The following ASAP1 variants were observed in gnomAD, a reference collection of about 807,000 sequenced individuals.
The protein encoded by ASAP1 is arf-GAP with SH3 domain, ANK repeat and PH domain-containing protein 1.
A neutral mutation model predicts 145.2 loss-of-function variants in ASAP1; 43 were observed. The observed-to-expected ratio is 0.30, with a 90% CI of 0.23 to 0.38. The LOEUF (loss-of-function observed/expected upper bound fraction) is 0.38. Among genes scored for constraint, ASAP1 ranks in the 10% least tolerant of loss-of-function variants. The probability of loss-of-function intolerance (pLI) is 1.00; values close to 1 mark genes in which losing one functional copy is unlikely to be tolerated. For synonymous variants in ASAP1, 546 were observed against 515.5 expected (o/e 1.06, Z -0.80); for missense variants, 1,018 against 1,355.3 (o/e 0.75, Z 3.91).
chr8:130,382,788 T>G (rs1023017704), intron 2 of ASAP1, among the ~76,000 whole-genome samples: 2 of 150,912 alleles, frequency 1.3e-5, no homozygotes, highest in African/African-American at 2.4e-5. Context: ...GAGGTTGCAG[T>G]GAGCTGAGAT....
intron 3 of ASAP1, among the ~76,000 whole-genome samples, chr8:130,270,664 C>A (rs183178750): frequency 2.0e-5 from 3 of 152,240 alleles, no homozygotes; most frequent in Admixed American, 6.5e-5. Flanking sequence ...CAATTTGGTT[C>A]TAATATTTGA....
chr8:130,282,838 A>G (rs1161486851), intron 3 of ASAP1, among the ~76,000 whole-genome samples: 3 of 152,210 alleles, frequency 2.0e-5, no homozygotes, highest in Non-Finnish European at 4.4e-5. Context: ...GGTCAGGAAG[A>G]TAATATTAAT....
intron 29 of ASAP1, among the ~76,000 whole-genome samples, chr8:130,055,530 G>T (rs376743913): frequency 4.5e-4 from 61 of 136,830 alleles, no homozygotes; most frequent in African/African-American, 1.5e-3. Context: ...TGTTGTTCTA[G>T]CCAGTAAAAA....
chr8:130,204,266 C>T (rs545197875), intron 5 of ASAP1, among the ~76,000 whole-genome samples: 5 of 152,272 alleles, frequency 3.3e-5, no homozygotes, highest in African/African-American at 1.2e-4. Context: ...CTCAAATCAT[C>T]CCGAAACCAT....
Position 130,141,014 on chromosome 8 carries a change from A to C in ASAP1, c.1081-3976T>G, listed in dbSNP as rs573367861. On this transcript the variant is annotated intron_variant, in intron 13 of 29. Coordinates refer to ENST00000518721, the MANE Select transcript of ASAP1 (RefSeq NM_018482.4). ...AGCACTTTCTTGACATTTAGTACTA[A>C]TTTATAGGTATATTGATTGGAGACT... 4.6e-5 allele frequency among the ~76,000 whole-genome samples: 7 copies of C among 152,320 alleles called. No individual in the cohort carries two copies. In the South Asian group the frequency reaches 1.5e-3, roughly 32 times the overall value.
At chr8:130,316,014 C>T (rs112775740) in intron 3 of ASAP1, among the ~76,000 whole-genome samples, 2,098 of 152,068 alleles carry the variant, frequency 0.014, 25 homozygotes, top group Non-Finnish European at 0.022. Context: ...TGCAGAGGAC[C>T]AACTCATCAT....
chr8:130,153,935 C>T (rs1427006223), intron 12 of ASAP1, among the ~76,000 whole-genome samples: 2 of 151,956 alleles, frequency 1.3e-5, no homozygotes, highest in African/African-American at 2.4e-5. Context: ...GGCTCATGCC[C>T]GTAATCCCAG....
intron 18 of ASAP1, among the ~76,000 whole-genome samples, chr8:130,119,481 G>A (rs993328769): frequency 6.6e-6 from 1 of 152,184 alleles, no homozygotes; most frequent in African/African-American, 2.4e-5. Context: ...TGTTTCTGGT[G>A]GGACTGAGCT....
intron 8 of ASAP1, among the ~76,000 whole-genome samples, chr8:130,179,839 A>G (rs1814221848): frequency 6.6e-6 from 1 of 151,816 alleles, no homozygotes; most frequent in African/African-American, 2.4e-5. Flanking sequence ...AACTAAACAC[A>G]GTAGTGTACT....
At chr8:130,268,523 AC>A (rs1820399432) in intron 3 of ASAP1, among the ~76,000 whole-genome samples, 2 of 148,816 alleles carry the variant, frequency 1.3e-5, no homozygotes, top group African/African-American at 4.9e-5. Context: ...ACACACACAC[AC>A]ACACACACAC....
intron 5 of ASAP1, among the ~76,000 whole-genome samples, chr8:130,208,927 T>C (rs1334383989): frequency 6.7e-6 from 1 of 149,954 alleles, no homozygotes; most frequent in Non-Finnish European, 1.5e-5. Context: ...GCCATCCCCC[T>C]AAAAAAAAAG....
chr8:130,381,404 A>T (rs528413581), intron 2 of ASAP1, among the ~76,000 whole-genome samples: 13 of 152,122 alleles, frequency 8.5e-5, no homozygotes, highest in Non-Finnish European at 1.9e-4. Flanking sequence ...AAGAAAAATT[A>T]TTAATGAGAC....
At chr8:130,142,752 G>A (rs1228807292) in intron 13 of ASAP1, among the ~76,000 whole-genome samples, 2 of 152,172 alleles carry the variant, frequency 1.3e-5, no homozygotes, top group African/African-American at 4.8e-5. Flanking sequence ...TGCAGGAGGT[G>A]ACACTGAGCA....
intron 3 of ASAP1, among the ~76,000 whole-genome samples, chr8:130,302,742 G>T (rs1240125433): frequency 6.6e-6 from 1 of 152,158 alleles, no homozygotes; most frequent in African/African-American, 2.4e-5. Flanking sequence ...AGAGGCTTTT[G>T]GTTCTGGGGC....
At chr8:130,386,732 CAGG>C (rs1382562602) in intron 2 of ASAP1, 1 of 152,186 alleles carries the variant, frequency 6.6e-6, no homozygotes, top group East Asian at 1.9e-4. Flanking sequence ...GATGAAAAGG[CAGG>C]AGCGATGAAG....
intron 15 of ASAP1, 35 bp downstream of exon 15, chr8:130,134,261 C>T (rs939296832): frequency 6.6e-7 from 1 of 1,506,618 alleles, no homozygotes; most frequent in Non-Finnish European, 9.0e-7. Flanking sequence ...CTTTTTCAAT[C>T]CAAGGCATCG....
intron 2 of ASAP1, among the ~76,000 whole-genome samples, chr8:130,376,903 C>CCA (rs1827526540): frequency 3.8e-5 from 1 of 26,004 alleles, no homozygotes; most frequent in African/African-American, 1.1e-4. Context: ...AACTCCATCT[C>CCA]AAAAAAAAAA....
intron 2 of ASAP1, among the ~76,000 whole-genome samples, chr8:130,371,219 T>C (rs1827198358): frequency 6.6e-6 from 1 of 152,194 alleles, no homozygotes; most frequent in Non-Finnish European, 1.5e-5. Flanking sequence ...ATTCTCCTCA[T>C]GTTTAATAGA....
At chr8:130,394,725 T>A (rs1828445765) in intron 2 of ASAP1, among the ~76,000 whole-genome samples, 1 of 152,176 alleles carries the variant, frequency 6.6e-6, no homozygotes, top group South Asian at 2.1e-4. Flanking sequence ...ATTTCTCTCT[T>A]TTGTACTCTG....
Sources: allele counts gnomAD v4.1 joint callset (sites outside exome capture counted in the v4.1 genomes callset), GRCh38; gene constraint gnomAD v4.1.1; transcripts MANE v1.5; gene names NCBI Gene and HGNC (gene_info 2026-07-23, HGNC 2026-07-21).